The following RORA variants were observed in gnomAD, a reference collection of about 807,000 sequenced individuals.
RORA encodes the protein nuclear receptor ROR-alpha.
In RORA, 7 loss-of-function variants were observed where a neutral mutation model predicts 69.5. The ratio of observed to expected loss-of-function variants is 0.10; its 90% CI spans 0.06 to 0.19. The LOEUF (loss-of-function observed/expected upper bound fraction) is 0.19, where lower values mean the gene tolerates loss of function less well. RORA is among the 10% of genes least tolerant of loss of function. RORA has a pLI of 1.00. For synonymous variants in RORA, 261 were observed against 240.8 expected (o/e 1.08, Z -0.78); for missense variants, 457 against 663.0 (o/e 0.69, Z 3.41).
intron 1 of RORA, among the ~76,000 whole-genome samples, chr15:60,827,254 C>T (rs1595746813): frequency 6.6e-6 from 1 of 152,168 alleles, no homozygotes; most frequent in Non-Finnish European, 1.5e-5. Context: ...CTAAAATACA[C>T]ATATATTACT....
chr15:60,992,040 A>G (rs1388072482), intron 1 of RORA, among the ~76,000 whole-genome samples: 1 of 152,222 alleles, frequency 6.6e-6, no homozygotes, highest in East Asian at 1.9e-4. Flanking sequence ...GGATTTAAGG[A>G]GAAGCAGATG....
chr15:60,876,603 C>T (rs1235851091), intron 1 of RORA, among the ~76,000 whole-genome samples: 2 of 152,050 alleles, frequency 1.3e-5, no homozygotes, highest in African/African-American at 4.8e-5. Context: ...CCATGGAGCA[C>T]ACTTGTTAGG....
rs561591754 is a variant in RORA, at chr15:61,138,607, C to A, written c.166+90446G>T. ...ATGCCTCCAGATCAAACTGCTACCC[C>A]TCAGCAAAAAGCTTGTACCCCATAG... On this transcript the variant is annotated intron_variant, in intron 1 of 10. Transcript: ENST00000335670. Among the ~76,000 whole-genome samples the A allele has an allele frequency of 1.8e-3, 277 of 152,204 alleles. 1 individual carries two copies. Among genetic ancestry groups the A allele is most frequent in the African/African-American group, 6.4e-3 (265 of 41,516 alleles).
At position 61,226,077 on chromosome 15, in the gene RORA, T is replaced by C. The variant is rs987661482; in HGVS notation, c.166+2976A>G. Among the ~76,000 whole-genome samples, 2 of 152,172 alleles carry C rather than the reference T, an allele frequency of 1.3e-5. No individual in the cohort carries two copies. The highest frequency in any genetic ancestry group is 4.8e-5 in the African/African-American group (2 of 41,428). On this transcript the variant is annotated intron_variant, in intron 1 of 10. Coordinates refer to ENST00000335670, the MANE Select transcript of RORA (RefSeq NM_134261.3). The surrounding 1 kb of genome is among the most constrained non-coding windows in gnomAD (Gnocchi z 4.2). The stretch of plus-strand genomic sequence containing the variant: ...TCAGGCAATAAAGGTACACAGTGCA[T>C]CCACACTTGGATTCCCAAGAGGGAG...
intron 1 of RORA, among the ~76,000 whole-genome samples, chr15:61,034,023 T>A (rs1896323271): frequency 6.6e-6 from 1 of 152,232 alleles, no homozygotes; most frequent in Non-Finnish European, 1.5e-5. Context: ...TTATTTTTAT[T>A]CATTTTAAGG....
intron 1 of RORA, among the ~76,000 whole-genome samples, chr15:60,741,362 T>C (rs375714185): frequency 2.6e-5 from 4 of 152,194 alleles, no homozygotes; most frequent in African/African-American, 9.6e-5. Flanking sequence ...CTGTTTACTC[T>C]GTTCATATGA....
At chr15:60,683,290 C>T (rs963523065) in intron 1 of RORA, among the ~76,000 whole-genome samples, 5 of 125,556 alleles carry the variant, frequency 4.0e-5, no homozygotes, top group African/African-American at 1.5e-4. Flanking sequence ...GGATTAAAGG[C>T]GTAAGCCACC....
chr15:61,030,704 T>A (rs566334904), intron 1 of RORA, among the ~76,000 whole-genome samples: 31 of 152,290 alleles, frequency 2.0e-4, no homozygotes, highest in Non-Finnish European at 4.1e-4. Flanking sequence ...CCGTGACTTT[T>A]AAGCACATTC....
rs1266184055 is a variant in RORA at position 60,856,492 on chromosome 15, T to A, written c.167-177806A>T. On this transcript the variant is annotated intron_variant, in intron 1 of 10. Coordinates refer to ENST00000335670, the MANE Select transcript of RORA (RefSeq NM_134261.3). ...CACGATTTTAAAGAATCACTGACCTTTTTTTTTTTTTCTTAGAACTAGAAG... is the reference window on the plus strand; with the variant it reads ...CACGATTTTAAAGAATCACTGACCTATTTTTTTTTTTCTTAGAACTAGAAG... Among the ~76,000 whole-genome samples, 4 of 82,048 alleles carry A rather than the reference T, an allele frequency of 4.9e-5. No homozygotes were observed. The South Asian group carries it at 1.5e-3, about 31-fold the overall frequency. The allele number at this position is 82,048 out of a possible 152,430, so 53.8% of individuals were successfully genotyped here.
intron 1 of RORA, among the ~76,000 whole-genome samples, chr15:60,919,668 C>A (rs1225086746): frequency 6.6e-6 from 1 of 152,180 alleles, no homozygotes; most frequent in Non-Finnish European, 1.5e-5. Context: ...GCAATGCCCC[C>A]CTACTAATAG....
intron 1 of RORA, among the ~76,000 whole-genome samples, chr15:60,947,699 A>AAAAAT (rs1892937817): frequency 6.6e-6 from 1 of 151,168 alleles, no homozygotes; most frequent in Non-Finnish European, 1.5e-5. Flanking sequence ...AAAAAAAAAA[A>AAAAAT]AAAAAAAAAA....
chr15:60,695,197 A>T (rs2140781202), intron 1 of RORA, among the ~76,000 whole-genome samples: 1 of 152,284 alleles, frequency 6.6e-6, no homozygotes, highest in South Asian at 2.1e-4. Flanking sequence ...ATGTTGCATC[A>T]GCCCCACCCA....
At chr15:61,029,948 T>A (rs1200834788) in intron 1 of RORA, among the ~76,000 whole-genome samples, 1 of 152,062 alleles carries the variant, frequency 6.6e-6, no homozygotes, top group Non-Finnish European at 1.5e-5. Flanking sequence ...AGTGGAGGCA[T>A]AAGTACGCAT....
chr15:60,800,628 G>A (rs1271227331), intron 1 of RORA, among the ~76,000 whole-genome samples: 1 of 152,156 alleles, frequency 6.6e-6, no homozygotes. Context: ...GGTGAACTCA[G>A]GGGGCGAGAG....
chr15:60,612,671 T>C lies in RORA; in HGVS notation c.196+65986A>G, dbSNP rs955271041. ...TCTCTCTCTCTCTCTGTTTTTTTTTTTTTTTTTTTTTTTTCTCTCTCTCTG... is the reference window on the plus strand; with the variant it reads ...TCTCTCTCTCTCTCTGTTTTTTTTTCTTTTTTTTTTTTTTCTCTCTCTCTG... On this transcript the variant is annotated intron_variant, in intron 2 of 10. Transcript: ENST00000335670. 3.2e-3 allele frequency among the ~76,000 whole-genome samples: 382 copies of C among 117,944 alleles called. 1 individual carries two copies. Among genetic ancestry groups the C allele is most frequent in the African/African-American group, 0.018 (367 of 20,802 alleles). 77.4% of individuals were successfully genotyped at this position (117,944 alleles called of 152,430 possible).
chr15:60,897,196 G>C (rs951600974), intron 1 of RORA, among the ~76,000 whole-genome samples: 1 of 152,134 alleles, frequency 6.6e-6, no homozygotes, highest in Non-Finnish European at 1.5e-5. Context: ...GGGGCTAGGA[G>C]GGCCATCTTC....
At chr15:60,825,918 C>T (rs181265058) in intron 1 of RORA, among the ~76,000 whole-genome samples, 1 of 152,284 alleles carries the variant, frequency 6.6e-6, no homozygotes, top group East Asian at 1.9e-4. Context: ...TATCACAGTT[C>T]CTGAAATTCT....
At chr15:61,008,920 T>G (rs1050419512) in intron 1 of RORA, among the ~76,000 whole-genome samples, 2 of 152,104 alleles carry the variant, frequency 1.3e-5, no homozygotes, top group Non-Finnish European at 2.9e-5. Context: ...ATCCATTTGA[T>G]GAAATTAGAA....
chr15:61,157,982 T>G (rs1469307902), intron 1 of RORA, among the ~76,000 whole-genome samples: 1 of 152,106 alleles, frequency 6.6e-6, no homozygotes, highest in Non-Finnish European at 1.5e-5. Context: ...TCCCAGACCC[T>G]GGAGAGCATG....
Sources: allele counts gnomAD v4.1 joint callset (sites outside exome capture counted in the v4.1 genomes callset), GRCh38; gene constraint gnomAD v4.1.1; non-coding constraint Gnocchi (gnomAD v3.1); transcripts MANE v1.5; gene names NCBI Gene and HGNC (gene_info 2026-07-23, HGNC 2026-07-21).